The following DEUP1 variants were observed in gnomAD, a reference collection of about 807,000 sequenced individuals.
DEUP1 encodes coiled-coil domain containing 67.
Under a neutral mutation model 87.4 loss-of-function variants are expected in DEUP1, and 82 were observed. The observed-to-expected ratio is 0.94, with a 90% CI of 0.78 to 1.13. DEUP1 has a LOEUF of 1.13. Ranked by LOEUF, DEUP1 falls within the 50% of genes most tolerant of loss-of-function variation. DEUP1 has a pLI of 0.00. For missense variants in DEUP1, 663 were observed against 681.5 expected (o/e 0.97, Z 0.30); for synonymous variants, 214 against 222.7 (o/e 0.96, Z 0.35).
chr11:93,370,128 A>C lies in DEUP1; in HGVS notation c.488A>C (p.His163Pro). Residue 163 changes from histidine to proline, a missense_variant, in exon 6 of 14, where the codon CAT (histidine) becomes CCT (proline). By Grantham distance (77) the His-to-Pro change is moderately conservative. Coordinates refer to ENST00000298050, the MANE Select transcript of DEUP1 (RefSeq NM_181645.4). ...AAGCAAGAGATATTATATCAGACTC[A>C]TCTGATTTCTTTAGATGCTCAACAA... ...WDKQEILYQT[H>P]LISLDAQQKL... The C allele has an allele frequency of 1.2e-6, 2 of 1,608,862 alleles. No homozygotes were observed. Among genetic ancestry groups the C allele is most frequent in the South Asian group, 1.1e-5 (1 of 89,998 alleles).
intron 13 of DEUP1, among the ~76,000 whole-genome samples, chr11:93,426,994 T>TAAAAAAAAAAAAAAAAAAAA (rs1157644297): frequency 6.9e-4 from 2 of 2,906 alleles, no homozygotes; most frequent in East Asian, 0.026. Flanking sequence ...TAGAGTATAA[T>TAAAAAAAAAAAAAAAAAAAA]AAAAAAAAAA....
chr11:93,374,292 A>T (rs3019204), intron 7 of DEUP1, among the ~76,000 whole-genome samples: 1 of 151,934 alleles, frequency 6.6e-6, no homozygotes, highest in Non-Finnish European at 1.5e-5. Context: ...ATTAGGTCCC[A>T]TCTATGTATC....
chr11:93,417,508 C>A (rs572389454), intron 13 of DEUP1, among the ~76,000 whole-genome samples: 1 of 152,164 alleles, frequency 6.6e-6, no homozygotes. Flanking sequence ...GAACTACAAA[C>A]CACTGCTCAA....
chr11:93,355,818 T>C (rs1192185310), intron 3 of DEUP1, among the ~76,000 whole-genome samples: 1 of 152,156 alleles, frequency 6.6e-6, no homozygotes, highest in Non-Finnish European at 1.5e-5. Context: ...TAAAATATTG[T>C]TTGCAAGTAA....
chr11:93,428,566 G>A (rs1347433045), intron 13 of DEUP1, among the ~76,000 whole-genome samples: 3 of 151,880 alleles, frequency 2.0e-5, no homozygotes, highest in African/African-American at 4.8e-5. Flanking sequence ...TGCACATTGT[G>A]CACATGTACC....
At chr11:93,332,336 CA>C in intron 2 of DEUP1, 48 bp downstream of exon 2, 5 of 1,481,000 alleles carry the variant, frequency 3.4e-6, no homozygotes, top group South Asian at 2.5e-5. Context: ...TTAACTGTGC[CA>C]AAAACTTCCT....
At chr11:93,433,668 A>G (rs1316691787) in intron 13 of DEUP1, among the ~76,000 whole-genome samples, 3 of 152,208 alleles carry the variant, frequency 2.0e-5, no homozygotes, top group African/African-American at 7.2e-5. Context: ...TCTCTCTGAG[A>G]TCAGGTTTCC....
At chr11:93,333,925 G>A (rs144949039) in intron 2 of DEUP1, among the ~76,000 whole-genome samples, 6 of 152,332 alleles carry the variant, frequency 3.9e-5, no homozygotes, top group African/African-American at 1.4e-4. Flanking sequence ...GATTGAAGAT[G>A]TTGAACCTAA....
chr11:93,330,804 C>T, intron 1 of DEUP1, 32 bp downstream of exon 1: 1 of 152,678 alleles, frequency 6.5e-6, no homozygotes, highest in Non-Finnish European at 1.5e-5. Context: ...GGCCCCGCCT[C>T]GCCCCTGACC....
intron 4 of DEUP1, among the ~76,000 whole-genome samples, chr11:93,358,134 T>C (rs1043393286): frequency 1.3e-5 from 2 of 152,164 alleles, no homozygotes; most frequent in Admixed American, 6.5e-5. Flanking sequence ...CACACAGAAA[T>C]CTAGAAAGTT....
chr11:93,376,570 A>G (rs1946052072), intron 7 of DEUP1, among the ~76,000 whole-genome samples: 1 of 152,046 alleles, frequency 6.6e-6, no homozygotes, highest in Admixed American at 6.6e-5. Context: ...TCAAAGAGCC[A>G]TCTTTTTGTT....
chr11:93,369,094 T>C lies in DEUP1; in HGVS notation c.433-979T>C, dbSNP rs934067511. Among the ~76,000 whole-genome samples the C allele has an allele frequency of 7.6e-4, 116 of 152,132 alleles. 1 individual carries two copies. The highest frequency in any genetic ancestry group is 2.7e-3 in the African/African-American group (110 of 41,474). On this transcript the variant is annotated intron_variant, in intron 5 of 13. Coordinates refer to ENST00000298050, the MANE Select transcript of DEUP1 (RefSeq NM_181645.4). ...ATAGTCAGATTCTGGTGAGGGCCCT[T>C]CTCCTGGTTCACAGATAGCTGTCTG...
chr11:93,352,030 TG>T (rs1400013810), intron 2 of DEUP1, among the ~76,000 whole-genome samples: 2 of 152,236 alleles, frequency 1.3e-5, no homozygotes, highest in African/African-American at 2.4e-5. Flanking sequence ...GGGAAGCAGC[TG>T]CCTAGGATCT....
At chr11:93,380,049 G>T (rs945825495) in intron 7 of DEUP1, among the ~76,000 whole-genome samples, 4 of 152,098 alleles carry the variant, frequency 2.6e-5, no homozygotes, top group Non-Finnish European at 5.9e-5. Context: ...ATTTGGCAAT[G>T]CCTGGATACA....
rs545174987 is a variant in DEUP1, at chr11:93,382,549, A to G, written c.790-2849A>G. On this transcript the variant is annotated intron_variant, in intron 7 of 13. Transcript: ENST00000298050. ...TAAACAAATATATTCTATTATTACC[A>G]TATTTTACAGAGTTTCAGCTAACCC... Among the ~76,000 whole-genome samples, 6 of 152,270 alleles carry G rather than the reference A, an allele frequency of 3.9e-5. No homozygotes were observed. The South Asian group carries it at 1.2e-3, about 32-fold the overall frequency.
intron 5 of DEUP1, 117 bp from the exon 6 acceptor site, chr11:93,369,953 AAAG>A: frequency 1.9e-6 from 1 of 539,410 alleles, no homozygotes; most frequent in Non-Finnish European, 3.3e-6. Flanking sequence ...AAAAAAAAAA[AAAG>A]AATGGATTTA....
At chr11:93,367,666 C>T (rs1945492777) in intron 5 of DEUP1, among the ~76,000 whole-genome samples, 1 of 152,104 alleles carries the variant, frequency 6.6e-6, no homozygotes. Flanking sequence ...CTTCTTTCCA[C>T]AGAACCTGGT....
chr11:93,407,273 C>A (rs111860339), intron 11 of DEUP1, among the ~76,000 whole-genome samples: 9 of 152,066 alleles, frequency 5.9e-5, no homozygotes, highest in African/African-American at 1.7e-4. Flanking sequence ...ATAAAAATTT[C>A]TATGTTTAGG....
chr11:93,437,689 C>A lies in DEUP1; in HGVS notation c.1785C>A (p.Tyr595Ter). The change falls in exon 14 of 14, where the codon TAC (tyrosine) becomes TAA (stop). Residue 595 changes from tyrosine to a stop codon, truncating the protein, a stop_gained. Transcript: ENST00000298050. LOFTEE classifies it high-confidence loss of function. ...ACACAGAATTTACTCTTAATAAATACTCCAAGCTAAAACAAAATAGACACA... is the reference window on the plus strand; with the variant it reads ...ACACAGAATTTACTCTTAATAAATAATCCAAGCTAAAACAAAATAGACACA... ...QRHTEFTLNKYSKLKQNRHI is the reference protein window; with the variant it reads ...QRHTEFTLNK The A allele has an allele frequency of 6.2e-7, 1 of 1,606,118 alleles. No homozygotes were observed. The highest frequency in any genetic ancestry group is 2.2e-5 in the East Asian group (1 of 44,784).
Sources: gnomAD v4.1 joint callset for allele counts (sites outside exome capture counted in the v4.1 genomes callset) on GRCh38, gnomAD v4.1.1 for gene constraint, MANE v1.5 for transcripts, NCBI Gene and HGNC (gene_info 2026-07-23, HGNC 2026-07-21) for gene names.